PCDH11X: variants seen among roughly 807,000 people sequenced by gnomAD.
PCDH11X encodes protocadherin 11 X-linked, also known as protocadherin-11 X-linked.
In PCDH11X, 18 loss-of-function variants were observed where a neutral mutation model predicts 53.3. That is an observed-to-expected ratio of 0.34 (90% CI 0.23 to 0.50). The LOEUF (loss-of-function observed/expected upper bound fraction) is 0.50. Among genes scored for constraint, PCDH11X ranks in the 20% least tolerant of loss-of-function variants. The pLI is 0.98. For synonymous variants in PCDH11X, 279 were observed against 393.3 expected, an observed-to-expected ratio of 0.71 and a Z score of 3.44; for missense variants, 570 against 1,032.4, an observed-to-expected ratio of 0.55 and a Z score of 6.14.
At chrX:92,285,481 G>C (rs2068348779) in intron 8 of PCDH11X, among the ~76,000 whole-genome samples, 1 of 109,994 alleles carries the variant, frequency 9.1e-6, no homozygotes, top group Admixed American at 9.8e-5. Flanking sequence ...GCGAACTCCT[G>C]ACTTCAGGTG....
intron 8 of PCDH11X, among the ~76,000 whole-genome samples, chrX:92,284,409 A>C (rs911556448): frequency 2.7e-5 from 3 of 111,876 alleles, no homozygotes; most frequent in Non-Finnish European, 3.8e-5. Context: ...TTTTTAAGCA[A>C]TTAAATATTT....
intron 8 of PCDH11X, among the ~76,000 whole-genome samples, chrX:92,278,568 A>T (rs1345817422): frequency 9.0e-6 from 1 of 110,627 alleles, no homozygotes; most frequent in Non-Finnish European, 1.9e-5. Flanking sequence ...CGGGGGTCAC[A>T]AGGTGCTCAG....
chrX:92,070,013 C>A (rs994316456), intron 6 of PCDH11X, among the ~76,000 whole-genome samples: 22 of 111,538 alleles, frequency 2.0e-4, no homozygotes, highest in African/African-American at 7.2e-4. Context: ...AACAATAACA[C>A]TGATTGCATA....
chrX:91,947,206 G>C (rs1280395287), intron 6 of PCDH11X, among the ~76,000 whole-genome samples: 2 of 108,710 alleles, frequency 1.8e-5, no homozygotes, highest in Non-Finnish European at 3.8e-5. Context: ...GTGTTGGGGG[G>C]GTGCAGCAGT....
At chrX:91,824,719 G>C (rs1936840531) in intron 4 of PCDH11X, among the ~76,000 whole-genome samples, 1 of 108,278 alleles carries the variant, frequency 9.2e-6, no homozygotes. Context: ...TGCTGGTGAA[G>C]AGCTGTGTTC....
chrX:92,148,461 C>A (rs984117898), intron 6 of PCDH11X, among the ~76,000 whole-genome samples: 30 of 106,221 alleles, frequency 2.8e-4, no homozygotes, highest in Non-Finnish European at 3.8e-4. Context: ...CTCTTGAACT[C>A]AAGTGATCCA....
In PCDH11X at chrX:92,366,454, C is replaced by G. The variant is rs1214465760; in HGVS notation, c.3145-21281C>G. On this transcript the variant is annotated intron_variant, in intron 8 of 10. Transcript: ENST00000682573. ...TTCATAAAACCGGTTCCTGGATTCACTGATTTTTTTGAAGGGTTTTTTGTG... is the reference window on the plus strand; with the variant it reads ...TTCATAAAACCGGTTCCTGGATTCAGTGATTTTTTTGAAGGGTTTTTTGTG... Among the ~76,000 whole-genome samples, 4 of 110,219 alleles carry G rather than the reference C, an allele frequency of 3.6e-5. No individual in the cohort carries two copies. The South Asian group carries it at 1.6e-3, about 43-fold the overall frequency.
intron 5 of PCDH11X, among the ~76,000 whole-genome samples, chrX:91,855,151 C>T (rs1179700157): frequency 2.7e-5 from 3 of 111,830 alleles, no homozygotes; most frequent in Non-Finnish European, 5.6e-5. Flanking sequence ...TAAGTATTTA[C>T]TCCAATTTGA....
At chrX:91,830,118 T>G (rs760214300) in intron 4 of PCDH11X, among the ~76,000 whole-genome samples, 1 of 111,541 alleles carries the variant, frequency 9.0e-6, no homozygotes, top group African/African-American at 3.3e-5. Context: ...CCAGAAAAAT[T>G]AATATAGAAG....
chrX:92,034,549 A>C (rs2063099675), intron 6 of PCDH11X, among the ~76,000 whole-genome samples: 1 of 106,463 alleles, frequency 9.4e-6, no homozygotes, highest in South Asian at 4.3e-4. Flanking sequence ...GTCTGATATC[A>C]GTATAGCTAC....
intron 6 of PCDH11X, among the ~76,000 whole-genome samples, chrX:92,047,877 A>T (rs1178555831): frequency 9.0e-6 from 1 of 110,684 alleles, no homozygotes; most frequent in Non-Finnish European, 1.9e-5. Context: ...AAGTAGCTAT[A>T]TGCACAGGAG....
chrX:91,904,652 T>C (rs990610216), intron 6 of PCDH11X, among the ~76,000 whole-genome samples: 28 of 111,455 alleles, frequency 2.5e-4, no homozygotes, highest in Non-Finnish European at 5.1e-4. Context: ...TCTTTCAATC[T>C]TTTTTCTGTG....
chrX:92,177,141 C>A (rs1314197071), intron 6 of PCDH11X, among the ~76,000 whole-genome samples: 1 of 108,978 alleles, frequency 9.2e-6, no homozygotes, highest in Non-Finnish European at 1.9e-5. Flanking sequence ...CCACGCCCAG[C>A]TAATTTTTGT....
At chrX:92,064,854 C>T (rs1434815312) in intron 6 of PCDH11X, among the ~76,000 whole-genome samples, 1 of 102,015 alleles carries the variant, frequency 9.8e-6, no homozygotes, top group South Asian at 4.0e-4. Context: ...GCTGGGAAAG[C>T]GGGTAGCTTC....
Position 91,878,249 on chromosome X carries a change from A to G in PCDH11X, c.2009A>G (p.Lys670Arg), listed in dbSNP as rs759288535. 1 of 1,208,634 alleles carries G rather than the reference A, an allele frequency of 8.3e-7. No homozygotes were observed. The highest frequency in any genetic ancestry group is 1.1e-6 in the Non-Finnish European group (1 of 894,914). ...AATGTGGTTGATGTCAATGACAACA[A>G]ACCAGTTTTCATTGTCCCTCCTTCC... ...TINVVDVNDNKPVFIVPPSNC... is the reference protein window; with the variant it reads ...TINVVDVNDNRPVFIVPPSNC... Residue 670 changes from lysine (K) to arginine (R), a missense_variant, in exon 6 of 11, where the codon AAA becomes AGA. Physicochemically the swap from Lys to Arg is conservative, Grantham distance 26 (BLOSUM62 2). Around this residue, in one of 6 missense-constraint regions of PCDH11X, gnomAD observed 226 missense variants for 457.5 expected, o/e 0.49. Transcript: ENST00000682573.
At chrX:92,088,059 G>A (rs1174612590) in intron 6 of PCDH11X, among the ~76,000 whole-genome samples, 3 of 106,495 alleles carry the variant, frequency 2.8e-5, no homozygotes, top group African/African-American at 6.8e-5. Context: ...TATTTTGAGT[G>A]TGAGACTTCC....
chrX:92,037,900 G>GGTTT (rs1313445659), intron 6 of PCDH11X, among the ~76,000 whole-genome samples: 1 of 88,580 alleles, frequency 1.1e-5, no homozygotes, highest in Non-Finnish European at 2.3e-5. Context: ...TTATTTGTGG[G>GGTTT]TTTTTTTTTT....
chrX:92,002,879 A>G (rs2062533718), intron 6 of PCDH11X, among the ~76,000 whole-genome samples: 2 of 107,297 alleles, frequency 1.9e-5, no homozygotes, highest in East Asian at 3.0e-4. Context: ...GGATTCTTTT[A>G]TATTTTTCTT....
intron 8 of PCDH11X, among the ~76,000 whole-genome samples, chrX:92,300,015 C>T (rs1395084522): frequency 9.5e-6 from 1 of 105,712 alleles, no homozygotes; most frequent in Non-Finnish European, 1.9e-5. Flanking sequence ...TCTTTGTTCT[C>T]ATTAGTTTCA....
Sources: allele counts gnomAD v4.1 joint callset (sites outside exome capture counted in the v4.1 genomes callset), GRCh38; gene constraint gnomAD v4.1.1; regional missense constraint gnomAD v4.1.1; transcripts MANE v1.5; gene names NCBI Gene and HGNC (gene_info 2026-07-23, HGNC 2026-07-21).